Variants in BCLAF1 observed in about 807,000 individuals in gnomAD.
BCLAF1 encodes the protein bcl-2-associated transcription factor 1.
BCLAF1 carries 10 observed loss-of-function variants against 99.5 expected under a neutral mutation model. That is an observed-to-expected ratio of 0.10 (90% CI 0.06 to 0.17). The LOEUF (loss-of-function observed/expected upper bound fraction) is 0.17, where lower values mean the gene tolerates loss of function less well. BCLAF1 is among the 10% of genes least tolerant of loss of function. The pLI is 1.00. For synonymous variants in BCLAF1, 255 were observed against 370.9 expected, an observed-to-expected ratio of 0.69 and a Z score of 3.59; for missense variants, 636 against 1,105.8, an observed-to-expected ratio of 0.58 and a Z score of 6.02.
chr6:136,260,503 T>G lies in BCLAF1; in HGVS notation c.*607A>C, dbSNP rs1780821793. 1 of 152,538 alleles carries G rather than the reference T, an allele frequency of 6.6e-6. No homozygotes were observed. Among genetic ancestry groups the G allele is most frequent in the African/African-American group, 2.4e-5 (1 of 41,466 alleles). 9.4% of individuals were successfully genotyped at this position (152,538 alleles called of 1,614,324 possible). On this transcript the variant is annotated 3_prime_UTR_variant, in exon 13 of 13. Coordinates refer to ENST00000531224, the MANE Select transcript of BCLAF1 (RefSeq NM_014739.3). ...TTCTCAAAACTTTTCAATCTGATTT[T>G]TAATAGCTTGTACTTTTTAGCTATT... is the stretch of plus-strand genomic sequence containing the variant.
At chr6:136,273,745 C>G (rs1782873584) in intron 6 of BCLAF1, among the ~76,000 whole-genome samples, 1 of 151,946 alleles carries the variant, frequency 6.6e-6, no homozygotes. Context: ...AAAAATCTGG[C>G]ATCTTGGCAA....
intron 11 of BCLAF1, 30 bp from the exon 12 acceptor site, chr6:136,261,507 GA>G (rs779984786): frequency 1.9e-6 from 3 of 1,585,146 alleles, no homozygotes; most frequent in Non-Finnish European, 2.6e-6. Context: ...AATTGTCAAT[GA>G]AATGTTTCTT....
At chr6:136,281,874 C>T (rs144975671) in intron 2 of BCLAF1, among the ~76,000 whole-genome samples, 81 of 152,310 alleles carry the variant, frequency 5.3e-4, no homozygotes, top group African/African-American at 1.8e-3. Flanking sequence ...AAAATGAATG[C>T]ATTCCCCAGA....
chr6:136,273,864 G>T, intron 6 of BCLAF1: 1 of 632,394 alleles, frequency 1.6e-6, no homozygotes, highest in Non-Finnish European at 2.1e-6. Flanking sequence ...TGTTGTAAAT[G>T]TAAAATAGAA....
intron 1 of BCLAF1, among the ~76,000 whole-genome samples, chr6:136,286,622 A>G (rs965828066): frequency 6.6e-6 from 1 of 152,230 alleles, no homozygotes; most frequent in Non-Finnish European, 1.5e-5. Context: ...AGGTTACCTA[A>G]TATTTTTGAT....
In BCLAF1 at chr6:136,278,260, G is replaced by T; in HGVS notation, c.621C>A (p.Ala207=). The change falls in exon 4 of 13, where the codon GCC becomes GCA. Residue 207 remains alanine (A), a synonymous_variant. Transcript: ENST00000531224. The part of the protein sequence containing the change: ...ESIDEFNKSS[A]TSGDIWPGLS... The stretch of plus-strand genomic sequence containing the variant: ...GGCCAGGCCAAATATCACCGGATGT[G>T]GCTGATGACTTATTAAATTCATCGA... 1 of 1,614,144 alleles carries T rather than the reference G, an allele frequency of 6.2e-7. No individual in the cohort carries two copies. Among genetic ancestry groups the T allele is most frequent in the African/African-American group, 1.3e-5 (1 of 75,068 alleles).
intron 6 of BCLAF1, among the ~76,000 whole-genome samples, chr6:136,275,043 T>TA (rs1783066925): frequency 6.6e-6 from 1 of 151,998 alleles, no homozygotes; most frequent in African/African-American, 2.4e-5. Context: ...TTTTTATGTA[T>TA]AAAAAATTAA....
intron 1 of BCLAF1, among the ~76,000 whole-genome samples, chr6:136,289,243 C>A (rs1785595908): frequency 1.3e-5 from 2 of 152,274 alleles, no homozygotes; most frequent in Admixed American, 6.5e-5. Flanking sequence ...CAAAACCCCA[C>A]AGGCCACGAA....
chr6:136,268,920 G>A (rs1485932429), intron 9 of BCLAF1, among the ~76,000 whole-genome samples: 4 of 151,794 alleles, frequency 2.6e-5, no homozygotes, highest in Non-Finnish European at 5.9e-5. Context: ...ATGATTTAAT[G>A]CAACACCCGA....
At chr6:136,280,325 T>C (rs536813413) in intron 2 of BCLAF1, among the ~76,000 whole-genome samples, 14 of 152,330 alleles carry the variant, frequency 9.2e-5, no homozygotes, top group African/African-American at 2.6e-4. Flanking sequence ...CAGGCTGTTA[T>C]CATAGTGCTT....
intron 3 of BCLAF1, 21 bp downstream of exon 3, chr6:136,279,742 A>T: frequency 6.5e-7 from 1 of 1,529,042 alleles, no homozygotes; most frequent in Non-Finnish European, 8.8e-7. Context: ...TATTTTAAAA[A>T]TTTAAAGCAC....
At position 136,273,075 on chromosome 6, in the gene BCLAF1, T is replaced by A. The variant is rs766294563; in HGVS notation, c.1958+7A>T. 1 of 1,604,738 alleles carries A rather than the reference T, an allele frequency of 6.2e-7. No homozygotes were observed. The highest frequency in any genetic ancestry group is 1.3e-5 in the African/African-American group (1 of 74,604). On this transcript the variant is annotated splice_region_variant and intron_variant, in intron 7 of 12. Transcript: ENST00000531224. ...GTTTTTATATGCCAGTTCAGCAGGA[T>A]ACATACCTGTGTATTTCAGGGCTCT... is the stretch of plus-strand genomic sequence containing the variant.
intron 3 of BCLAF1, 75 bp from the exon 4 acceptor site, chr6:136,278,851 A>G: frequency 6.8e-6 from 9 of 1,322,540 alleles, no homozygotes; most frequent in South Asian, 3.7e-5. Context: ...CTGGTTGAAT[A>G]TAACATGTAA....
chr6:136,286,684 T>C (rs769965036), intron 1 of BCLAF1, among the ~76,000 whole-genome samples: 3 of 152,182 alleles, frequency 2.0e-5, no homozygotes, highest in Non-Finnish European at 4.4e-5. Flanking sequence ...CTTAATAAAA[T>C]GGGCTGGGTG....
chr6:136,262,514 A>AC (rs1300298005), intron 11 of BCLAF1, among the ~76,000 whole-genome samples: 1 of 152,044 alleles, frequency 6.6e-6, no homozygotes, highest in African/African-American at 2.4e-5. Context: ...TAACTGATTA[A>AC]CCCCCTTCAT....
chr6:136,280,662 A>G (rs535118064), intron 2 of BCLAF1, among the ~76,000 whole-genome samples: 52 of 152,334 alleles, frequency 3.4e-4, no homozygotes, highest in African/African-American at 1.2e-3. Flanking sequence ...CATGGTATCC[A>G]ATGCTATAAT....
At chr6:136,274,807 T>C (rs1298989745) in intron 6 of BCLAF1, among the ~76,000 whole-genome samples, 1 of 151,944 alleles carries the variant, frequency 6.6e-6, no homozygotes, top group Non-Finnish European at 1.5e-5. Flanking sequence ...CTTTGAAAAT[T>C]ATTAGTAACT....
In BCLAF1 at chr6:136,278,121, C is replaced by A; in HGVS notation, c.760G>T (p.Ala254Ser). ...DAPMLSTVHS[A>S]KNTPSQHSHS... is the part of the protein sequence containing the mutation. ...GAATGCTGAGAAGGAGTATTTTTTG[C>A]AGAGTGAACTGTACTGAGCATGGGA... is the stretch of plus-strand genomic sequence containing the variant. The change falls in exon 4 of 13, where the codon GCA (alanine) becomes TCA (serine). Residue 254 changes from alanine to serine, a missense_variant. This residue lies in a region of BCLAF1 where 65 missense variants were observed against 90.9 expected (regional missense o/e 0.71). Coordinates refer to ENST00000531224, the MANE Select transcript of BCLAF1 (RefSeq NM_014739.3). The A allele has an allele frequency of 1.2e-6, 2 of 1,602,932 alleles. No individual in the cohort carries two copies. Among genetic ancestry groups the A allele is most frequent in the East Asian group, 4.5e-5 (2 of 44,718 alleles).
At position 136,261,103 on chromosome 6, in the gene BCLAF1, ATATT is replaced by A. The variant is rs1562226766; in HGVS notation, c.*3_*6del. The stretch of plus-strand genomic sequence containing the variant: ...TTCTGCTCTGTTGTAATCTTACTTC[ATATT>A]TATTATTCCTAAAAGAGAGAGAAAA... On this transcript the variant is annotated 3_prime_UTR_variant, in exon 13 of 13. Coordinates refer to ENST00000531224, the MANE Select transcript of BCLAF1 (RefSeq NM_014739.3). 3.8e-6 allele frequency: 6 copies of A among 1,577,596 alleles called. No homozygotes were observed. The South Asian group carries it at 5.9e-5, about 15-fold the overall frequency.
Sources: allele counts gnomAD v4.1 joint callset (sites outside exome capture counted in the v4.1 genomes callset), GRCh38; gene constraint gnomAD v4.1.1; regional missense constraint gnomAD v4.1.1; transcripts MANE v1.5; gene names NCBI Gene and HGNC (gene_info 2026-07-23, HGNC 2026-07-21).